CCDC60: variants seen among roughly 807,000 people sequenced by gnomAD.
CCDC60 encodes coiled-coil domain-containing protein 60.
A neutral mutation model predicts 63.5 loss-of-function variants in CCDC60; 54 were observed. The ratio of observed to expected loss-of-function variants is 0.85; its 90% confidence interval spans 0.68 to 1.07. The LOEUF is 1.07. Ranked by LOEUF, CCDC60 falls within the 50% of genes least tolerant of loss-of-function variation. The pLI is 0.00. For synonymous variants in CCDC60, 206 were observed against 238.8 expected (o/e 0.86, Z 1.27); for missense variants, 651 against 684.3 (o/e 0.95, Z 0.54).
rs1955559880 is a variant in CCDC60, at chr12:119,343,977, T to G, written c.90+8711T>G. 2.0e-5 allele frequency among the ~76,000 whole-genome samples: 3 copies of G among 152,278 alleles called. No individual in the cohort carries two copies. In the South Asian group the frequency reaches 6.2e-4, roughly 32 times the overall value. On this transcript the variant is annotated intron_variant, in intron 1 of 13. Transcript: ENST00000327554. ...CTCCATACCCAAAGTTACCCAAGTTTCTGTCCCAAAGGGTTGTCAAATTAG... is the reference window on the plus strand; with the variant it reads ...CTCCATACCCAAAGTTACCCAAGTTGCTGTCCCAAAGGGTTGTCAAATTAG...
At chr12:119,382,724 G>C (rs1053601543) in intron 1 of CCDC60, among the ~76,000 whole-genome samples, 1 of 152,220 alleles carries the variant, frequency 6.6e-6, no homozygotes, top group Admixed American at 6.5e-5. Context: ...TCTGTTATGA[G>C]GAATTTTGAC....
At chr12:119,534,788 C>T (rs1349331724) in intron 13 of CCDC60, among the ~76,000 whole-genome samples, 2 of 152,154 alleles carry the variant, frequency 1.3e-5, no homozygotes, top group Non-Finnish European at 2.9e-5. Flanking sequence ...GGTGGATAAG[C>T]TTTTTGATTT....
intron 7 of CCDC60, among the ~76,000 whole-genome samples, chr12:119,507,487 CATAT>C: frequency 7.1e-6 from 1 of 140,518 alleles, no homozygotes; most frequent in African/African-American, 2.6e-5. Context: ...CATATATACA[CATAT>C]ATACATATAT....
chr12:119,491,427 C>G (rs1166961662), intron 5 of CCDC60, among the ~76,000 whole-genome samples: 1 of 152,174 alleles, frequency 6.6e-6, no homozygotes, highest in African/African-American at 2.4e-5. Context: ...CTCCTGGGTT[C>G]ACGCCATTCT....
intron 7 of CCDC60, among the ~76,000 whole-genome samples, chr12:119,506,471 T>C: frequency 6.8e-6 from 1 of 146,566 alleles, no homozygotes; most frequent in South Asian, 2.2e-4. Flanking sequence ...AAATTAGCCA[T>C]GCATGGTGGT....
intron 1 of CCDC60, among the ~76,000 whole-genome samples, chr12:119,369,259 G>A (rs1388583394): frequency 1.3e-5 from 2 of 152,154 alleles, no homozygotes; most frequent in Admixed American, 1.3e-4. Context: ...CGCAATGTAG[G>A]TTTTAAAAAG....
intron 5 of CCDC60, among the ~76,000 whole-genome samples, chr12:119,489,386 C>A (rs1290436135): frequency 6.6e-6 from 1 of 152,042 alleles, no homozygotes; most frequent in African/African-American, 2.4e-5. Context: ...TTGGTGGCTA[C>A]TTCTCCACTT....
chr12:119,526,590 T>C (rs2136514435), intron 11 of CCDC60, among the ~76,000 whole-genome samples: 1 of 152,236 alleles, frequency 6.6e-6, no homozygotes, highest in Non-Finnish European at 1.5e-5. Context: ...CATTGAAAAG[T>C]GGGCAAAGGA....
At chr12:119,511,092 G>GA (rs891179250) in intron 7 of CCDC60, among the ~76,000 whole-genome samples, 7 of 151,784 alleles carry the variant, frequency 4.6e-5, no homozygotes, top group African/African-American at 9.7e-5. Context: ...AAAAATGACT[G>GA]AAAAAAAATG....
chr12:119,533,360 C>G (rs903145801), intron 13 of CCDC60, among the ~76,000 whole-genome samples: 1 of 152,234 alleles, frequency 6.6e-6, no homozygotes, highest in Non-Finnish European at 1.5e-5. Flanking sequence ...TTCTCCCATT[C>G]TGTAGGTTGC....
chr12:119,385,992 G>A (rs1331958453), intron 1 of CCDC60, among the ~76,000 whole-genome samples: 1 of 152,210 alleles, frequency 6.6e-6, no homozygotes, highest in Non-Finnish European at 1.5e-5. Flanking sequence ...GCCCAGTTAA[G>A]ATATAGAGAT....
At chr12:119,528,798 T>C in intron 12 of CCDC60, 52 bp downstream of exon 12, 1 of 1,562,530 alleles carries the variant, frequency 6.4e-7, no homozygotes, top group Non-Finnish European at 8.7e-7. Context: ...AACAGGGTGT[T>C]GTTATTACAA....
chr12:119,516,263 G>A (rs925809643), intron 7 of CCDC60, among the ~76,000 whole-genome samples: 1 of 151,872 alleles, frequency 6.6e-6, no homozygotes, highest in Non-Finnish European at 1.5e-5. Context: ...CCACCACCAC[G>A]CCCAGCTGAT....
chr12:119,353,799 G>A (rs1021047222), intron 1 of CCDC60, among the ~76,000 whole-genome samples: 43 of 152,126 alleles, frequency 2.8e-4, no homozygotes, highest in African/African-American at 6.7e-4. Flanking sequence ...GTGGCTGGGC[G>A]CAGTGGCTTA....
chr12:119,526,511 G>A (rs1952681922), intron 11 of CCDC60, among the ~76,000 whole-genome samples: 1 of 152,160 alleles, frequency 6.6e-6, no homozygotes, highest in Admixed American at 6.5e-5. Context: ...TGCAAACTAT[G>A]CATCTGACAA....
At chr12:119,508,480 A>C (rs1398549983) in intron 7 of CCDC60, among the ~76,000 whole-genome samples, 1 of 128,326 alleles carries the variant, frequency 7.8e-6, no homozygotes, top group Non-Finnish European at 1.6e-5. Flanking sequence ...ACTCTGTCTC[A>C]AAAAAAAAAA....
chr12:119,524,342 G>A, intron 11 of CCDC60: 1 of 519,476 alleles, frequency 1.9e-6, no homozygotes, highest in Non-Finnish European at 2.5e-6. Flanking sequence ...GAAAGCCACT[G>A]AAAGTTTTTC....
rs1482168265 is a variant in CCDC60 at position 119,420,043 on chromosome 12, A to AT, written c.91-8634dup. On this transcript the variant is annotated intron_variant, in intron 1 of 13. Transcript: ENST00000327554. The surrounding 1 kb of genome is among the most constrained non-coding windows in gnomAD (Gnocchi z 4.1). ...AGGCACCCACCACCACACCTGGGTA[A>AT]TTTTTTGTATTTTTAGTAGAGATAG... is the stretch of plus-strand genomic sequence containing the variant. Among the ~76,000 whole-genome samples the AT allele has an allele frequency of 1.3e-5, 2 of 151,672 alleles. No individual in the cohort carries two copies. Among genetic ancestry groups the AT allele is most frequent in the Non-Finnish European group, 2.9e-5 (2 of 67,902 alleles).
chr12:119,444,808 C>A (rs923464406), intron 2 of CCDC60, among the ~76,000 whole-genome samples: 1 of 152,184 alleles, frequency 6.6e-6, no homozygotes, highest in African/African-American at 2.4e-5. Flanking sequence ...AGGGAGGCTA[C>A]CTTTAGGAGC....
Sources: allele counts gnomAD v4.1 joint callset (sites outside exome capture counted in the v4.1 genomes callset), GRCh38; gene constraint gnomAD v4.1.1; non-coding constraint Gnocchi (gnomAD v3.1); transcripts MANE v1.5; gene names NCBI Gene and HGNC (gene_info 2026-07-23, HGNC 2026-07-21).